RYR2: variants seen among roughly 807,000 people sequenced by gnomAD.
RYR2 encodes the protein cardiac muscle ryanodine receptor-calcium release channel.
In RYR2, 227 loss-of-function variants were observed where a neutral mutation model predicts 601.1. The observed-to-expected ratio is 0.38, with a 90% CI of 0.34 to 0.42. The LOEUF (loss-of-function observed/expected upper bound fraction) is 0.42. Ranked by LOEUF, RYR2 falls within the 10% of genes least tolerant of loss-of-function variation. The probability of loss-of-function intolerance (pLI) is 1.00; values close to 1 mark genes in which losing one functional copy is unlikely to be tolerated. For missense variants in RYR2, 4,646 were observed against 6,156.5 expected (o/e 0.75, Z 8.21); for synonymous variants, 2,223 against 2,175.1 (o/e 1.02, Z -0.61).
intron 10 of RYR2, among the ~76,000 whole-genome samples, chr1:237,406,152 CCCCTTCCCTT>C (rs1425241911): frequency 1.8e-5 from 1 of 55,308 alleles, no homozygotes; most frequent in African/African-American, 7.6e-5. Flanking sequence ...CCCCTCCCCT[CCCCTTCCCTT>C]CCCTTCCCTT....
At chr1:237,071,815 G>A (rs1298169687) in intron 1 of RYR2, among the ~76,000 whole-genome samples, 3 of 152,202 alleles carry the variant, frequency 2.0e-5, no homozygotes, top group Non-Finnish European at 4.4e-5. Flanking sequence ...GCTGCTCTCA[G>A]CCCCACCCGG....
At chr1:237,300,954 T>C (rs1437348577) in intron 2 of RYR2, among the ~76,000 whole-genome samples, 1 of 152,118 alleles carries the variant, frequency 6.6e-6, no homozygotes, top group Non-Finnish European at 1.5e-5. Context: ...GCAGAGTTCC[T>C]GGTACATTGT....
At chr1:237,476,826 A>C (rs185308498) in intron 17 of RYR2, among the ~76,000 whole-genome samples, 1,874 of 152,332 alleles carry the variant, frequency 0.012, 20 homozygotes, top group East Asian at 0.062. Context: ...TCTGAGATCC[A>C]TTATTAGTGA....
At chr1:237,826,915 C>G (rs1025245422) in intron 101 of RYR2, among the ~76,000 whole-genome samples, 1 of 152,186 alleles carries the variant, frequency 6.6e-6, no homozygotes, top group Non-Finnish European at 1.5e-5. Flanking sequence ...CAATCTGCAT[C>G]CAGACCCCTT....
intron 1 of RYR2, among the ~76,000 whole-genome samples, chr1:237,082,729 G>A (rs1665876819): frequency 6.6e-6 from 1 of 151,652 alleles, no homozygotes; most frequent in Admixed American, 6.6e-5. Context: ...TGTAACAAGT[G>A]TTAAATTGGA....
rs370570620 is a variant in RYR2, at chr1:237,781,017, T to TATTA, written c.11881-547_11881-544dup. Among the ~76,000 whole-genome samples the TATTA allele has an allele frequency of 6.9e-3, 1,045 of 152,276 alleles. 9 individuals carry two copies. Among genetic ancestry groups the TATTA allele is most frequent in the African/African-American group, 0.02 (811 of 41,568 alleles). On this transcript the variant is annotated intron_variant, in intron 88 of 104. Coordinates refer to ENST00000366574, the MANE Select transcript of RYR2 (RefSeq NM_001035.3). The stretch of plus-strand genomic sequence containing the variant: ...ATATTCCACTGTTGTGGTTCTTTCA[T>TATTA]ATTATTGCTATATATGTTCATTGTC...
chr1:237,563,316 C>T (rs775840881), intron 27 of RYR2, among the ~76,000 whole-genome samples: 6 of 150,572 alleles, frequency 4.0e-5, no homozygotes, highest in Non-Finnish European at 5.9e-5. Flanking sequence ...GAAGCCGAGG[C>T]AGGGGAATTG....
At chr1:237,687,796 G>A (rs987580349) in intron 63 of RYR2, among the ~76,000 whole-genome samples, 1 of 151,952 alleles carries the variant, frequency 6.6e-6, no homozygotes, top group Non-Finnish European at 1.5e-5. Context: ...TTATCTCAGG[G>A]GTAAAAACAA....
intron 60 of RYR2, among the ~76,000 whole-genome samples, chr1:237,676,601 T>C (rs1685420334): frequency 6.6e-6 from 1 of 152,166 alleles, no homozygotes; most frequent in Non-Finnish European, 1.5e-5. Flanking sequence ...TGATTGTCAA[T>C]ATCGTGTTTA....
In RYR2 at chr1:237,098,387, A is replaced by ATGTGTGTGTGTG. The variant is rs937631817; in HGVS notation, c.48+55843_48+55854dup. Among the ~76,000 whole-genome samples, 54 of 47,382 alleles carry ATGTGTGTGTGTG rather than the reference A, an allele frequency of 1.1e-3. 1 individual carries two copies. The highest frequency in any genetic ancestry group is 2.6e-3 in the African/African-American group (53 of 20,678). 31.1% of individuals were successfully genotyped at this position (47,382 alleles called of 152,430 possible). The stretch of plus-strand genomic sequence containing the variant: ...ACCTCACATAGTTGCCATTGTGTGT[A>ATGTGTGTGTGTG]TGTGTGTGTGTGTGTGTGTGTGTGT... On this transcript the variant is annotated intron_variant, in intron 1 of 104. Transcript: ENST00000366574.
At position 237,783,735 on chromosome 1, in the gene RYR2, A is replaced by G. The variant is rs1330847491; in HGVS notation, c.12023A>G (p.Asn4008Ser). 1.2e-6 allele frequency: 2 copies of G among 1,612,424 alleles called. No individual in the cohort carries two copies. Among genetic ancestry groups the G allele is most frequent in the African/African-American group, 1.3e-5 (1 of 74,906 alleles). The change falls in exon 90 of 105, where the codon AAC (asparagine) becomes AGC (serine). Residue 4008 changes from asparagine to serine, a missense_variant. Physicochemically the swap from Asn to Ser is conservative, Grantham distance 46. This residue lies in a region of RYR2 where 90 missense variants were observed against 213.3 expected (regional missense o/e 0.42). Coordinates refer to ENST00000366574, the MANE Select transcript of RYR2 (RefSeq NM_001035.3). ...GTGGATATGCTTGTGGAATCTTCCA[A>G]CAACGTGGAGATGATTCTCAAATTT... ...QMVDMLVESS[N>S]NVEMILKFFD...
At chr1:237,383,248 G>C (rs563148557) in intron 8 of RYR2, among the ~76,000 whole-genome samples, 1 of 152,000 alleles carries the variant, frequency 6.6e-6, no homozygotes, top group East Asian at 1.9e-4. Flanking sequence ...GTGTACTCCA[G>C]CTAAAGAACT....
chr1:237,518,402 C>T (rs1206718953), intron 24 of RYR2, among the ~76,000 whole-genome samples: 1 of 152,164 alleles, frequency 6.6e-6, no homozygotes, highest in Non-Finnish European at 1.5e-5. Context: ...TCATCATCTA[C>T]TCCCTTCCAA....
At chr1:237,545,513 T>C (rs1156467848) in intron 25 of RYR2, among the ~76,000 whole-genome samples, 4 of 152,132 alleles carry the variant, frequency 2.6e-5, no homozygotes, top group Non-Finnish European at 4.4e-5. Context: ...GGCTGCTAGA[T>C]GGGATCAAGG....
intron 2 of RYR2, among the ~76,000 whole-genome samples, chr1:237,285,449 C>G (rs573373904): frequency 6.6e-6 from 1 of 152,212 alleles, no homozygotes; most frequent in South Asian, 2.1e-4. Flanking sequence ...AGGATTTTAG[C>G]ATCTATGTTC....
rs12097071 is a variant in RYR2, at chr1:237,219,015, T to C, written c.49-51482T>C. Among the ~76,000 whole-genome samples the C allele has an allele frequency of 6.6e-3, 984 of 148,882 alleles. 13 individuals carry two copies. Among genetic ancestry groups the C allele is most frequent in the African/African-American group, 0.021 (859 of 40,556 alleles). On this transcript the variant is annotated intron_variant, in intron 1 of 104. Transcript: ENST00000366574. ...TTCTGCTTTCCTTATACTTGATTTT[T>C]TTTTTTTTTTTTTTTTAGCTGGCGT...
chr1:237,763,750 G>A (rs542131759), intron 84 of RYR2, among the ~76,000 whole-genome samples: 1 of 152,176 alleles, frequency 6.6e-6, no homozygotes, highest in East Asian at 1.9e-4. Context: ...CATATGTAAG[G>A]GCCACTCATT....
At chr1:237,329,049 G>A (rs1396802232) in intron 2 of RYR2, among the ~76,000 whole-genome samples, 1 of 151,896 alleles carries the variant, frequency 6.6e-6, no homozygotes, top group African/African-American at 2.4e-5. Context: ...ATAACTTACG[G>A]TTCTAACTCA....
At chr1:237,499,102 G>T (rs1377724944) in intron 20 of RYR2, among the ~76,000 whole-genome samples, 1 of 152,070 alleles carries the variant, frequency 6.6e-6, no homozygotes, top group Admixed American at 6.6e-5. Flanking sequence ...ACAATTTGAA[G>T]TATCAAATAT....
Sources: allele counts gnomAD v4.1 joint callset (sites outside exome capture counted in the v4.1 genomes callset), GRCh38; gene constraint gnomAD v4.1.1; regional missense constraint gnomAD v4.1.1; transcripts MANE v1.5; gene names NCBI Gene and HGNC (gene_info 2026-07-23, HGNC 2026-07-21).